The following PCDH9 variants were observed in gnomAD, a reference collection of about 807,000 sequenced individuals.
The protein encoded by PCDH9 is protocadherin 9.
PCDH9 carries 24 observed loss-of-function variants against 70.6 expected under a neutral mutation model. The ratio of observed to expected loss-of-function variants is 0.34; its 90% confidence interval spans 0.25 to 0.48. PCDH9 has a LOEUF of 0.48. Among genes scored for constraint, PCDH9 ranks in the 20% least tolerant of loss-of-function variants. PCDH9 has a pLI of 0.99. For synonymous variants in PCDH9, 562 were observed against 558.5 expected, an observed-to-expected ratio of 1.01 and a Z score of -0.09; for missense variants, 1,281 against 1,503.6, an observed-to-expected ratio of 0.85 and a Z score of 2.45.
At chr13:66,700,923 A>ATATATATAT (rs1566514288) in intron 3 of PCDH9, among the ~76,000 whole-genome samples, 9 of 58,436 alleles carry the variant, frequency 1.5e-4, no homozygotes, top group Non-Finnish European at 2.3e-4. Context: ...TGTACATATA[A>ATATATATAT]ATATATATAT....
chr13:67,179,045 C>T (rs2088543770), intron 2 of PCDH9, among the ~76,000 whole-genome samples: 1 of 152,046 alleles, frequency 6.6e-6, no homozygotes, highest in African/African-American at 2.4e-5. Flanking sequence ...TGCTTATATC[C>T]CCCAATTAAA....
intron 3 of PCDH9, among the ~76,000 whole-genome samples, chr13:66,670,630 A>T (rs1367797145): frequency 1.3e-5 from 2 of 152,128 alleles, no homozygotes; most frequent in East Asian, 3.9e-4. Context: ...AAGTGTAAGG[A>T]AAGATGAAAA....
chr13:66,789,661 T>C lies in PCDH9; in HGVS notation c.3138+113843A>G, dbSNP rs1198710443. Among the ~76,000 whole-genome samples the C allele has an allele frequency of 2.0e-5, 3 of 152,168 alleles. No homozygotes were observed. In the East Asian group the frequency reaches 5.8e-4, roughly 29 times the overall value. ...AGCAAAATTTAAGATTGCAACTTCCTCTCAGCACTGTGTATCCCCGTTTTA... is the reference window on the plus strand; with the variant it reads ...AGCAAAATTTAAGATTGCAACTTCCCCTCAGCACTGTGTATCCCCGTTTTA... On this transcript the variant is annotated intron_variant, in intron 3 of 4. Transcript: ENST00000377865.
intron 2 of PCDH9, among the ~76,000 whole-genome samples, chr13:67,137,756 G>A (rs915803135): frequency 6.6e-6 from 1 of 151,928 alleles, no homozygotes; most frequent in Non-Finnish European, 1.5e-5. Flanking sequence ...GTCTCTTTCA[G>A]CTACTAAAAA....
intron 2 of PCDH9, among the ~76,000 whole-genome samples, chr13:67,097,408 A>G (rs1335883450): frequency 6.6e-6 from 1 of 152,216 alleles, no homozygotes; most frequent in Admixed American, 6.5e-5. Flanking sequence ...CAAATGACAT[A>G]TATTTGTAGG....
chr13:67,118,593 T>C (rs576169371), intron 2 of PCDH9, among the ~76,000 whole-genome samples: 1 of 152,274 alleles, frequency 6.6e-6, no homozygotes, highest in South Asian at 2.1e-4. Context: ...GGAAGATCTC[T>C]TATAAACATG....
intron 4 of PCDH9, among the ~76,000 whole-genome samples, chr13:66,511,055 T>C (rs1299963847): frequency 1.3e-5 from 2 of 152,146 alleles, no homozygotes; most frequent in African/African-American, 4.8e-5. Flanking sequence ...AGATAAATGG[T>C]ATCAATGAGG....
intron 2 of PCDH9, chr13:67,220,784 T>A (rs1439316820): frequency 2.6e-5 from 4 of 152,126 alleles, no homozygotes; most frequent in Admixed American, 6.6e-5. Context: ...ATGTCTATGT[T>A]TAATACAATA....
At chr13:66,825,467 G>A (rs1443085703) in intron 3 of PCDH9, among the ~76,000 whole-genome samples, 2 of 147,926 alleles carry the variant, frequency 1.4e-5, no homozygotes, top group Non-Finnish European at 3.0e-5. Flanking sequence ...CTCCCGTGTA[G>A]CTGGGACTAC....
At chr13:67,025,639 G>C (rs2084764219) in intron 2 of PCDH9, among the ~76,000 whole-genome samples, 1 of 152,034 alleles carries the variant, frequency 6.6e-6, no homozygotes, top group African/African-American at 2.4e-5. Flanking sequence ...TTCAAAAATA[G>C]TATATTAAAA....
At chr13:66,991,358 G>A (rs190698379) in intron 2 of PCDH9, among the ~76,000 whole-genome samples, 91 of 152,068 alleles carry the variant, frequency 6.0e-4, no homozygotes, top group Non-Finnish European at 6.3e-4. Context: ...TGTATGTCAA[G>A]ATGAAGAATG....
At chr13:66,919,036 T>C (rs2082600007) in intron 2 of PCDH9, among the ~76,000 whole-genome samples, 1 of 151,290 alleles carries the variant, frequency 6.6e-6, no homozygotes, top group African/African-American at 2.4e-5. Flanking sequence ...TATGTCTCTG[T>C]TCATTTCACT....
intron 3 of PCDH9, among the ~76,000 whole-genome samples, chr13:66,862,926 T>G (rs1001503824): frequency 1.3e-5 from 2 of 152,130 alleles, no homozygotes; most frequent in Non-Finnish European, 2.9e-5. Context: ...TTTTGGATAT[T>G]TGGGAAAATA....
chr13:66,692,742 G>A (rs2078505801), intron 3 of PCDH9, among the ~76,000 whole-genome samples: 1 of 151,892 alleles, frequency 6.6e-6, no homozygotes, highest in African/African-American at 2.4e-5. Flanking sequence ...TTGTTGTAAA[G>A]TATTCCAATC....
chr13:67,169,325 C>T (rs764069295), intron 2 of PCDH9, among the ~76,000 whole-genome samples: 3 of 152,120 alleles, frequency 2.0e-5, no homozygotes, highest in African/African-American at 7.2e-5. Flanking sequence ...TTGTACAATG[C>T]TCATTATGGT....
chr13:66,564,977 G>T (rs1252576076), intron 4 of PCDH9, among the ~76,000 whole-genome samples: 1 of 151,750 alleles, frequency 6.6e-6, no homozygotes, highest in Non-Finnish European at 1.5e-5. Context: ...AGACATCATG[G>T]GGAGAATATT....
At chr13:66,895,873 C>A (rs915452933) in intron 3 of PCDH9, among the ~76,000 whole-genome samples, 1 of 152,192 alleles carries the variant, frequency 6.6e-6, no homozygotes, top group Non-Finnish European at 1.5e-5. Flanking sequence ...CTCATCCCCC[C>A]TCTCTTTGTG....
chr13:66,578,658 A>G (rs1450020717), intron 4 of PCDH9, among the ~76,000 whole-genome samples: 1 of 152,156 alleles, frequency 6.6e-6, no homozygotes, highest in Non-Finnish European at 1.5e-5. Flanking sequence ...GAAGTCTCCA[A>G]TAGTTCATGC....
intron 3 of PCDH9, among the ~76,000 whole-genome samples, chr13:66,650,903 A>T (rs990666210): frequency 1.4e-4 from 21 of 152,060 alleles, no homozygotes; most frequent in African/African-American, 4.3e-4. Context: ...ATACAAATAC[A>T]TGAAAATTAA....
Sources: gnomAD v4.1 joint callset for allele counts (sites outside exome capture counted in the v4.1 genomes callset) on GRCh38, gnomAD v4.1.1 for gene constraint, MANE v1.5 for transcripts, NCBI Gene and HGNC (gene_info 2026-07-23, HGNC 2026-07-21) for gene names.